KCNMB4: variants seen among roughly 807,000 people sequenced by gnomAD.
The protein encoded by KCNMB4 is calcium-activated potassium channel subunit beta-4.
A neutral mutation model predicts 20.7 loss-of-function variants in KCNMB4; 3 were observed. The observed-to-expected ratio is 0.14, with a 90% CI of 0.07 to 0.37. The LOEUF is 0.37. Ranked by LOEUF, KCNMB4 falls within the 10% of genes least tolerant of loss-of-function variation. The pLI is 1.00. For synonymous variants in KCNMB4, 110 were observed against 113.4 expected (o/e 0.97, Z 0.19); for missense variants, 168 against 265.9 (o/e 0.63, Z 2.56).
intron 1 of KCNMB4, 79 bp from the exon 2 acceptor site, chr12:70,400,130 G>T: frequency 9.1e-7 from 1 of 1,103,316 alleles, no homozygotes; most frequent in Non-Finnish European, 1.2e-6. Context: ...TCTTTATAAT[G>T]CCATCTTTCT....
In KCNMB4 at chr12:70,432,732, A is replaced by G. The variant is rs1291878837; in HGVS notation, c.*2079A>G. On this transcript the variant is annotated 3_prime_UTR_variant, in exon 3 of 3. Transcript: ENST00000258111. ...TGTTGTCTTAGCAACACAGTGAACT[A>G]TTCTGAAGCATAGAGTAACACGAAA... The G allele has an allele frequency of 2.0e-5, 3 of 152,224 alleles. No individual in the cohort carries two copies. The highest frequency in any genetic ancestry group is 2.9e-5 in the Non-Finnish European group (2 of 68,044). 9.4% of individuals were successfully genotyped at this position (152,224 alleles called of 1,614,324 possible).
At position 70,430,685 on chromosome 12, in the gene KCNMB4, A is replaced by G. The variant is rs552178808; in HGVS notation, c.*32A>G. On this transcript the variant is annotated 3_prime_UTR_variant, in exon 3 of 3. Transcript: ENST00000258111. ...AGGAGGCTTGTAGAAAGCAAAGTAC[A>G]GAAGCTGTACTCATCGGCACGCGTC... 7 of 1,586,960 alleles carry G rather than the reference A, an allele frequency of 4.4e-6. No homozygotes were observed. In the Admixed American group the frequency reaches 9.4e-5, roughly 21 times the overall value.
At chr12:70,424,604 G>A (rs981153550) in intron 2 of KCNMB4, among the ~76,000 whole-genome samples, 13 of 152,006 alleles carry the variant, frequency 8.6e-5, no homozygotes, top group African/African-American at 2.7e-4. Context: ...ACAAAAATTA[G>A]CCGGATGTGG....
At chr12:70,384,873 CAAAAAAAAAAAA>C (rs57306622) in intron 1 of KCNMB4, among the ~76,000 whole-genome samples, 1 of 74,328 alleles carries the variant, frequency 1.3e-5, no homozygotes, top group Non-Finnish European at 2.5e-5. Flanking sequence ...GACCCTGTCT[CAAAAAAAAAAAA>C]AAAAAAAAAA....
intron 1 of KCNMB4, among the ~76,000 whole-genome samples, chr12:70,371,722 A>G (rs191454700): frequency 6.4e-4 from 97 of 152,332 alleles, no homozygotes; most frequent in African/African-American, 2.1e-3. Flanking sequence ...ACTAGAGGGC[A>G]TACAAAGATG....
At chr12:70,423,642 G>A (rs787932) in intron 2 of KCNMB4, among the ~76,000 whole-genome samples, 4 of 151,838 alleles carry the variant, frequency 2.6e-5, no homozygotes, top group Admixed American at 6.6e-5. Flanking sequence ...CACGCCCATC[G>A]AATTTTTTTA....
intron 1 of KCNMB4, among the ~76,000 whole-genome samples, chr12:70,391,310 A>ATT (rs60442586): frequency 6.7e-6 from 1 of 150,362 alleles, no homozygotes; most frequent in African/African-American, 2.4e-5. Flanking sequence ...ATTTATTATT[A>ATT]TTTTTTTTTA....
intron 2 of KCNMB4, among the ~76,000 whole-genome samples, chr12:70,406,103 G>A (rs937184018): frequency 2.6e-5 from 4 of 151,856 alleles, no homozygotes; most frequent in African/African-American, 9.7e-5. Context: ...AAAGTGGAAT[G>A]GTGGTAGTTA....
intron 2 of KCNMB4, chr12:70,422,643 A>G (rs537927196): frequency 8.1e-7 from 1 of 1,228,890 alleles, no homozygotes; most frequent in Admixed American, 2.4e-5. Flanking sequence ...TTAGAATAAA[A>G]TTCATTCGTT....
chr12:70,371,765 C>T (rs1161176177), intron 1 of KCNMB4, among the ~76,000 whole-genome samples: 1 of 152,180 alleles, frequency 6.6e-6, no homozygotes, highest in African/African-American at 2.4e-5. Context: ...TCATGAAACA[C>T]GTATCCTGAG....
chr12:70,370,223 A>G (rs1317267453), intron 1 of KCNMB4, among the ~76,000 whole-genome samples: 1 of 152,110 alleles, frequency 6.6e-6, no homozygotes, highest in Non-Finnish European at 1.5e-5. Flanking sequence ...CAACCTGAGA[A>G]CCAAAAAGGA....
In KCNMB4 at chr12:70,384,568, A is replaced by T. The variant is rs547712270; in HGVS notation, c.337-15641A>T. The stretch of plus-strand genomic sequence containing the variant: ...CTAGGACAGAGCTGGGCACATAGAC[A>T]TTTGAGAAGCTACCTGGTATAATGG... On this transcript the variant is annotated intron_variant, in intron 1 of 2. Transcript: ENST00000258111. 2.0e-5 allele frequency among the ~76,000 whole-genome samples: 3 copies of T among 152,330 alleles called. 1 individual carries two copies. The South Asian group carries it at 6.2e-4, about 32-fold the overall frequency.
chr12:70,374,785 T>G (rs1883657266), intron 1 of KCNMB4, among the ~76,000 whole-genome samples: 1 of 152,198 alleles, frequency 6.6e-6, no homozygotes, highest in Non-Finnish European at 1.5e-5. Context: ...ATGTAGTTGA[T>G]CAAATGGACT....
At chr12:70,420,899 A>G (rs1390600026) in intron 2 of KCNMB4, among the ~76,000 whole-genome samples, 1 of 151,634 alleles carries the variant, frequency 6.6e-6, no homozygotes, top group Non-Finnish European at 1.5e-5. Context: ...TCTACTAAAA[A>G]TACAAAAAAT....
chr12:70,431,376 C>G lies in KCNMB4; in HGVS notation c.*723C>G, dbSNP rs1316488387. ...AGGGAGGTGATTCTGAAGAAGGCTT[C>G]TATCTCAAAAAGCACTGGGCTTCCT... On this transcript the variant is annotated 3_prime_UTR_variant, in exon 3 of 3. Coordinates refer to ENST00000258111, the MANE Select transcript of KCNMB4 (RefSeq NM_014505.6). 1 of 152,124 alleles carries G rather than the reference C, an allele frequency of 6.6e-6. No individual in the cohort carries two copies. The highest frequency in any genetic ancestry group is 1.5e-5 in the Non-Finnish European group (1 of 68,030). The allele number at this position is 152,124 out of a possible 1,614,324, so 9.4% of individuals were successfully genotyped here.
At chr12:70,394,064 T>C (rs531393566) in intron 1 of KCNMB4, among the ~76,000 whole-genome samples, 2 of 152,320 alleles carry the variant, frequency 1.3e-5, no homozygotes, top group East Asian at 3.9e-4. Context: ...TTTGTAAATA[T>C]GCTACTATTA....
At chr12:70,418,388 T>TA (rs34864015) in intron 2 of KCNMB4, among the ~76,000 whole-genome samples, 48,967 of 152,004 alleles carry the variant, frequency 0.32, 8,073 homozygotes, top group East Asian at 0.54. Flanking sequence ...ATGTGGTTGT[T>TA]AAAGTGATCT....
chr12:70,399,420 CAAGTT>C (rs1415459462), intron 1 of KCNMB4, among the ~76,000 whole-genome samples: 1 of 152,168 alleles, frequency 6.6e-6, no homozygotes, highest in African/African-American at 2.4e-5. Context: ...AAAAAGTACA[CAAGTT>C]AAGTCCTGTT....
At chr12:70,392,482 G>T (rs913139069) in intron 1 of KCNMB4, among the ~76,000 whole-genome samples, 4 of 152,114 alleles carry the variant, frequency 2.6e-5, no homozygotes, top group African/African-American at 9.7e-5. Context: ...TGGGTATACT[G>T]GGTGTATACC....
Sources: gnomAD v4.1 joint callset for allele counts (sites outside exome capture counted in the v4.1 genomes callset) on GRCh38, gnomAD v4.1.1 for gene constraint, MANE v1.5 for transcripts, NCBI Gene and HGNC (gene_info 2026-07-23, HGNC 2026-07-21) for gene names.